TUSC3: variants seen among roughly 807,000 people sequenced by gnomAD.
The protein encoded by TUSC3 is dolichyl-diphosphooligosaccharide--protein glycosyltransferase subunit TUSC3.
A neutral mutation model predicts 44.8 loss-of-function variants in TUSC3; 45 were observed. That is an observed-to-expected ratio of 1.00 (90% CI 0.79 to 1.29). The LOEUF (loss-of-function observed/expected upper bound fraction) is 1.29. Among genes scored for constraint, TUSC3 ranks in the 50% most tolerant of loss-of-function variants. The pLI is 0.00. For missense variants in TUSC3, 519 were observed against 437.9 expected, an observed-to-expected ratio of 1.19 and a Z score of -1.65; for synonymous variants, 212 against 152.9, an observed-to-expected ratio of 1.39 and a Z score of -2.85.
chr8:15,633,618 G>T (rs575284535), intron 2 of TUSC3, among the ~76,000 whole-genome samples: 1 of 152,218 alleles, frequency 6.6e-6, no homozygotes, highest in South Asian at 2.1e-4. Flanking sequence ...TTATTGCATT[G>T]TTACAGACAC....
At chr8:15,810,334 A>C in the TUSC3 span, among the ~76,000 whole-genome samples, 169 of 152,312 alleles carry the variant, frequency 1.1e-3, no homozygotes, top group African/African-American at 4.0e-3. Context: ...GAGATGTTGA[A>C]TACTCTGGGG....
chr8:15,551,286 AT>A (rs1802053603), intron 1 of TUSC3, among the ~76,000 whole-genome samples: 1 of 151,740 alleles, frequency 6.6e-6, no homozygotes, highest in African/African-American at 2.4e-5. Context: ...TCCTTTCTAG[AT>A]TTTTAAGATT....
chr8:15,543,602 C>T (rs1284274190), intron 1 of TUSC3, among the ~76,000 whole-genome samples: 1 of 151,610 alleles, frequency 6.6e-6, no homozygotes, highest in Non-Finnish European at 1.5e-5. Flanking sequence ...TATATAAAGA[C>T]TGTATATAAA....
chr8:15,840,314 C>G, the TUSC3 span, among the ~76,000 whole-genome samples: 1 of 152,044 alleles, frequency 6.6e-6, no homozygotes, highest in African/African-American at 2.4e-5. Flanking sequence ...CAACATGGCA[C>G]ATGTATACAT....
the TUSC3 span, among the ~76,000 whole-genome samples, chr8:15,781,343 G>C: frequency 1.3e-5 from 2 of 152,178 alleles, no homozygotes; most frequent in African/African-American, 2.4e-5. Flanking sequence ...ATTGTACTGA[G>C]AGTATATGGT....
chr8:15,477,591 G>C (rs184442647), intron 1 of TUSC3, among the ~76,000 whole-genome samples: 4 of 152,080 alleles, frequency 2.6e-5, no homozygotes, highest in African/African-American at 7.2e-5. Context: ...GTGAGGTGGC[G>C]GGTGGCTGTA....
At chr8:15,746,921 T>A (rs1811442460) in intron 8 of TUSC3, among the ~76,000 whole-genome samples, 1 of 151,846 alleles carries the variant, frequency 6.6e-6, no homozygotes, top group Non-Finnish European at 1.5e-5. Context: ...TTCAAAAATG[T>A]TTTTTTTATT....
chr8:15,428,928 C>G (rs1296046745), intron 1 of TUSC3, among the ~76,000 whole-genome samples: 1 of 152,154 alleles, frequency 6.6e-6, no homozygotes, highest in Non-Finnish European at 1.5e-5. Flanking sequence ...GTTGCCTGTT[C>G]ACTCTGATGG....
chr8:15,822,590 G>A, the TUSC3 span, among the ~76,000 whole-genome samples: 1 of 152,096 alleles, frequency 6.6e-6, no homozygotes, highest in Non-Finnish European at 1.5e-5. Flanking sequence ...GCCCTAAGGT[G>A]TGAATGAAGA....
At chr8:15,626,371 C>T (rs1043157262) in intron 2 of TUSC3, among the ~76,000 whole-genome samples, 2 of 152,274 alleles carry the variant, frequency 1.3e-5, no homozygotes, top group Non-Finnish European at 2.9e-5. Context: ...GAGAGGGGAC[C>T]CCAAGGCGGA....
At chr8:15,575,644 A>G (rs1803070498) in intron 1 of TUSC3, among the ~76,000 whole-genome samples, 1 of 152,038 alleles carries the variant, frequency 6.6e-6, no homozygotes, top group African/African-American at 2.4e-5. Flanking sequence ...GCGGGCATCT[A>G]TAATGCCAGG....
chr8:15,577,906 G>C (rs1242755199), intron 1 of TUSC3, among the ~76,000 whole-genome samples: 1 of 150,954 alleles, frequency 6.6e-6, no homozygotes, highest in East Asian at 1.9e-4. Flanking sequence ...ACCTTGGGCA[G>C]TACGGCCATT....
At chr8:15,504,597 ATATATATATATATATATATATATATT>A (rs1261260909) in intron 2 of TUSC3, among the ~76,000 whole-genome samples, 49 of 23,874 alleles carry the variant, frequency 2.1e-3, no homozygotes, top group East Asian at 0.017. Flanking sequence ...ATATATATAT[ATATATATATATATATATATATATATT>A]TTTTTTTTTT....
intron 2 of TUSC3, among the ~76,000 whole-genome samples, chr8:15,637,707 G>T (rs766975538): frequency 4.6e-5 from 7 of 151,764 alleles, no homozygotes; most frequent in Non-Finnish European, 1.0e-4. Flanking sequence ...GTTTATATGT[G>T]GGGTGGGGAT....
At chr8:15,708,540 T>C (rs1809712445) in intron 6 of TUSC3, among the ~76,000 whole-genome samples, 1 of 151,962 alleles carries the variant, frequency 6.6e-6, no homozygotes, top group Non-Finnish European at 1.5e-5. Flanking sequence ...TCATCTGTGG[T>C]TCAGTGAGCA....
At chr8:15,704,958 A>T (rs1312478857) in intron 6 of TUSC3, among the ~76,000 whole-genome samples, 2 of 151,328 alleles carry the variant, frequency 1.3e-5, no homozygotes, top group African/African-American at 4.9e-5. Flanking sequence ...AAAAAAAAAA[A>T]ATAGTCCTTA....
chr8:15,510,046 A>G (rs1585070677), intron 2 of TUSC3, among the ~76,000 whole-genome samples: 1 of 152,154 alleles, frequency 6.6e-6, no homozygotes, highest in Middle Eastern at 3.4e-3. Flanking sequence ...GGAGGTGCAC[A>G]ACTGTAGTCC....
intron 2 of TUSC3, among the ~76,000 whole-genome samples, chr8:15,517,366 C>G (rs188254424): frequency 6.6e-6 from 1 of 151,972 alleles, no homozygotes; most frequent in Admixed American, 6.6e-5. Context: ...CCGATCTTTG[C>G]TATTGTATTG....
chr8:15,709,110 G>T (rs1375657518), intron 6 of TUSC3, among the ~76,000 whole-genome samples: 1 of 151,894 alleles, frequency 6.6e-6, no homozygotes, highest in Non-Finnish European at 1.5e-5. Flanking sequence ...AGCCTGACTA[G>T]AAGAGAGAGG....
Sources: gnomAD v4.1 joint callset for allele counts (sites outside exome capture counted in the v4.1 genomes callset) on GRCh38, gnomAD v4.1.1 for gene constraint, MANE v1.5 for transcripts, NCBI Gene and HGNC (gene_info 2026-07-23, HGNC 2026-07-21) for gene names.